Variants in CATSPER1 observed in about 807,000 individuals in gnomAD.
CATSPER1 encodes the protein cation channel sperm-associated protein 1.
A neutral mutation model predicts 72.7 loss-of-function variants in CATSPER1; 57 were observed. That is an observed-to-expected ratio of 0.78 (90% confidence interval 0.63 to 0.98). The LOEUF (loss-of-function observed/expected upper bound fraction) is 0.98, where lower values mean the gene tolerates loss of function less well. Ranked by LOEUF, CATSPER1 falls within the 50% of genes least tolerant of loss-of-function variation. The probability of loss-of-function intolerance (pLI) is 0.00; values close to 1 mark genes in which losing one functional copy is unlikely to be tolerated. For synonymous variants in CATSPER1, 363 were observed against 403.0 expected, an observed-to-expected ratio of 0.90 and a Z score of 1.19; for missense variants, 910 against 1,033.9, an observed-to-expected ratio of 0.88 and a Z score of 1.64.
Position 66,018,886 on chromosome 11 carries a change from C to A in CATSPER1, c.2142G>T (p.Ala714=). Residue 714 remains alanine (A), a synonymous_variant, in exon 10 of 12, where the codon GCG becomes GCT. Coordinates refer to ENST00000312106, the MANE Select transcript of CATSPER1 (RefSeq NM_053054.4). ...GCCGCTTCAGCATGGTGCCTTCACT[C>A]GCCACCTCTTTGGGCTCTGGATGTA... ...ELRAAEPKEV[A]SEGTMLKRLI... 6 of 1,613,976 alleles carry A rather than the reference C, an allele frequency of 3.7e-6. No homozygotes were observed. The highest frequency in any genetic ancestry group is 5.1e-6 in the Non-Finnish European group (6 of 1,179,976).
At chr11:66,018,945 G>A in intron 9 of CATSPER1, 43 bp from the exon 10 acceptor site, 1 of 1,535,686 alleles carries the variant, frequency 6.5e-7, no homozygotes, top group South Asian at 1.1e-5. Context: ...CCTGGATTTG[G>A]AGAGGAGGCA....
At chr11:66,019,116 A>C (rs576657506) in intron 9 of CATSPER1, among the ~76,000 whole-genome samples, 1 of 152,122 alleles carries the variant, frequency 6.6e-6, no homozygotes, top group African/African-American at 2.4e-5. Context: ...GTCTTGAGGA[A>C]CAAATCACTT....
chr11:66,018,774 C>A, intron 10 of CATSPER1, 53 bp downstream of exon 10: 1 of 1,585,936 alleles, frequency 6.3e-7, no homozygotes, highest in African/African-American at 1.3e-5. Context: ...TCCAGCCAGG[C>A]CCCCAGGCCT....
rs143627075 is a variant in CATSPER1 at position 66,020,943 on chromosome 11, C to A, written c.1795G>T (p.Ala599Ser). The A allele has an allele frequency of 6.2e-7, 1 of 1,613,864 alleles. No individual in the cohort carries two copies. The highest frequency in any genetic ancestry group is 8.5e-7 in the Non-Finnish European group (1 of 1,180,018). ...TTGCGGAACAGTGCCCGGAGGACCG[C>A]GGAGAAGAGGACTGGCTGTTCAGGG... ...LMFTCLFLFSAVLRALFRKSD... is the reference protein window; with the variant it reads ...LMFTCLFLFSSVLRALFRKSD... The change falls in exon 6 of 12, where the codon GCG becomes TCG. Residue 599 changes from alanine to serine, a missense_variant. By Grantham distance (99) the Ala-to-Ser change is moderately conservative. Coordinates refer to ENST00000312106, the MANE Select transcript of CATSPER1 (RefSeq NM_053054.4). This position sits in a 1 kb window ranked among gnomAD's most constrained non-coding sequence, Gnocchi z 4.5.
At chr11:66,023,356 T>G (rs540478864) in intron 1 of CATSPER1, among the ~76,000 whole-genome samples, 7 of 151,080 alleles carry the variant, frequency 4.6e-5, no homozygotes, top group Admixed American at 1.3e-4. Context: ...CAGAAGAATA[T>G]GGAGTCCAAG....
rs1236578421 is a variant in CATSPER1 at position 66,016,816 on chromosome 11, T to G, written c.*74A>C. ...GCCCGGACAATCATTCCAGCAGATC[T>G]GGGGACCCGTCCCAGTGCACCCAGG... On this transcript the variant is annotated 3_prime_UTR_variant, in exon 12 of 12. Coordinates refer to ENST00000312106, the MANE Select transcript of CATSPER1 (RefSeq NM_053054.4). 9.1e-6 allele frequency: 14 copies of G among 1,530,348 alleles called. No individual in the cohort carries two copies. Among genetic ancestry groups the G allele is most frequent in the Non-Finnish European group, 1.2e-5 (13 of 1,121,276 alleles). 94.8% of individuals were successfully genotyped at this position (1,530,348 alleles called of 1,614,324 possible).
rs1316259503 is a variant in CATSPER1 at position 66,025,249 on chromosome 11, C to T, written c.1131G>A (p.Met377Ile). The T allele has an allele frequency of 2.5e-6, 4 of 1,614,122 alleles. No individual in the cohort carries two copies. The highest frequency in any genetic ancestry group is 1.3e-5 in the African/African-American group (1 of 75,014). The change falls in exon 1 of 12, where the codon ATG becomes ATA. Residue 377 changes from methionine to isoleucine, a missense_variant. By Grantham distance (10) the Met-to-Ile change is conservative. Coordinates refer to ENST00000312106, the MANE Select transcript of CATSPER1 (RefSeq NM_053054.4). ...TATCCTGGGTATGGACTTTTTTGGA[C>T]ATCTGGGTGACACGTGAGCGGATTG... ...SSTIRSRVTQ[M>I]SKKVHTQDIS...
Position 66,018,821 on chromosome 11 carries a change from C to T in CATSPER1, c.2201+6G>A. 1.2e-6 allele frequency: 2 copies of T among 1,611,008 alleles called. No individual in the cohort carries two copies. ...CCCAGGCCTCGCTCCCTTCCTGTCT[C>T]CTCACTTCTCAGTCATGGTCCCAAA... On this transcript the variant is annotated splice_donor_region_variant and intron_variant, in intron 10 of 11. Coordinates refer to ENST00000312106, the MANE Select transcript of CATSPER1 (RefSeq NM_053054.4).
Position 66,022,977 on chromosome 11 carries a change from T to G in CATSPER1, c.1301A>C (p.Gln434Pro). ...WLWEKLTFLIQGFREMIRNLT... is the reference protein window; with the variant it reads ...WLWEKLTFLIPGFREMIRNLT... ...GTTCCGGATCATTTCCCGGAAGCCC[T>G]GAATGAGGAAGGTTAGCTTTTCCCA... Residue 434 changes from glutamine to proline, a missense_variant, in exon 2 of 12, where the codon CAG (glutamine) becomes CCG (proline). Gln to Pro is a moderately conservative substitution (Grantham distance 76). Transcript: ENST00000312106. 1 of 1,614,200 alleles carries G rather than the reference T, an allele frequency of 6.2e-7. No individual in the cohort carries two copies. Among genetic ancestry groups the G allele is most frequent in the Non-Finnish European group, 8.5e-7 (1 of 1,180,028 alleles).
In CATSPER1 at chr11:66,016,929, G is replaced by A; in HGVS notation, c.2317-13C>T. 4 of 1,614,098 alleles carry A rather than the reference G, an allele frequency of 2.5e-6. No individual in the cohort carries two copies. The highest frequency in any genetic ancestry group is 3.4e-6 in the Non-Finnish European group (4 of 1,179,976). ...CCTCTTCTCCAGCCTGCAGGGGTGA[G>A]TGGGGCACTGGTGGGTGAATGAGCC... On this transcript the variant is annotated splice_polypyrimidine_tract_variant and intron_variant, in intron 11 of 11. Transcript: ENST00000312106.
In CATSPER1 at chr11:66,017,194, T is replaced by TGGGGGGGGGGGGGGGGGGGGCCC; in HGVS notation, c.2202-21_2202-20insGGGCCCCCCCCCCCCCCCCCCCC. 1.8e-6 allele frequency: 1 copy of TGGGGGGGGGGGGGGGGGGGGCCC among 550,250 alleles called. No homozygotes were observed. Among genetic ancestry groups the TGGGGGGGGGGGGGGGGGGGGCCC allele is most frequent in the African/African-American group, 2.1e-5 (1 of 48,566 alleles). 34.1% of individuals were successfully genotyped at this position (550,250 alleles called of 1,614,324 possible). On this transcript the variant is annotated intron_variant, in intron 10 of 11. Transcript: ENST00000312106. ...TGCTGCCTGCGGGTGGGCGGGGGGG[T>TGGGGGGGGGGGGGGGGGGGGCCC]CGCAGAGACAGGGGCTGGGCTGACC...
chr11:66,017,186 C>CGGG lies in CATSPER1; in HGVS notation c.2202-15_2202-13dup. ...GGAGCTCCTGCTGCCTGCGGGTGGG[C>CGGG]GGGGGGGTCGCAGAGACAGGGGCTG... is the stretch of plus-strand genomic sequence containing the variant. On this transcript the variant is annotated splice_polypyrimidine_tract_variant and intron_variant, in intron 10 of 11. Coordinates refer to ENST00000312106, the MANE Select transcript of CATSPER1 (RefSeq NM_053054.4). 1.2e-5 allele frequency: 3 copies of CGGG among 258,976 alleles called. No individual in the cohort carries two copies. Among genetic ancestry groups the CGGG allele is most frequent in the Admixed American group, 5.4e-5 (1 of 18,640 alleles). 16.0% of individuals were successfully genotyped at this position (258,976 alleles called of 1,614,324 possible).
rs146534093 is a variant in CATSPER1 at position 66,020,316 on chromosome 11, C to G, written c.2064+1G>C. 3 of 1,614,080 alleles carry G rather than the reference C, an allele frequency of 1.9e-6. No homozygotes were observed. Among genetic ancestry groups the G allele is most frequent in the Non-Finnish European group, 2.5e-6 (3 of 1,180,056 alleles). On this transcript the variant is annotated splice_donor_variant, in intron 8 of 11. Coordinates refer to ENST00000312106, the MANE Select transcript of CATSPER1 (RefSeq NM_053054.4). LOFTEE classifies it high-confidence loss of function. The surrounding 1 kb of genome is among the most constrained non-coding windows in gnomAD (Gnocchi z 4.5). ...TCCACCTGTCCCACCCCACTCGGTA[C>G]CTCCTGCTTCGCTTTCTCAAGGCCT...
chr11:66,018,740 G>A (rs1856290418), intron 10 of CATSPER1, 87 bp downstream of exon 10: 1 of 1,401,656 alleles, frequency 7.1e-7, no homozygotes, highest in Non-Finnish European at 1.0e-6. Context: ...AGAGGGGCAG[G>A]CAATGTCCCT....
chr11:66,023,828 C>T (rs1455126911), intron 1 of CATSPER1, among the ~76,000 whole-genome samples: 12 of 151,908 alleles, frequency 7.9e-5, no homozygotes, highest in Admixed American at 7.9e-4. Flanking sequence ...ATCATCCCAT[C>T]CTCTTGGTAA....
At chr11:66,021,280 T>C in intron 4 of CATSPER1, 95 bp from the exon 5 acceptor site, 8 of 1,339,708 alleles carry the variant, frequency 6.0e-6, no homozygotes, top group Non-Finnish European at 7.3e-6. Flanking sequence ...GGCAGGAGGC[T>C]CCTGACTTGT....
intron 10 of CATSPER1, 48 bp from the exon 11 acceptor site, chr11:66,017,222 C>A: frequency 7.0e-7 from 1 of 1,437,492 alleles, no homozygotes; most frequent in Non-Finnish European, 9.5e-7. Flanking sequence ...GGCTGACCTG[C>A]TGGCTGGGCC....
chr11:66,023,061 G>GCT lies in CATSPER1; in HGVS notation c.1217-2_1217-1dup (p.Thr406LysfsTer25). The GCT allele has an allele frequency of 6.2e-7, 1 of 1,613,824 alleles. No homozygotes were observed. Among genetic ancestry groups the GCT allele is most frequent in the Non-Finnish European group, 8.5e-7 (1 of 1,179,750 alleles). On this transcript the variant is annotated frameshift_variant and splice_region_variant. Transcript: ENST00000312106. LOFTEE classifies it high-confidence loss of function. ...CTTGCGGGTCCGCTGGAGCCGGCCG[G>GCT]CTGAAAGGAACAGGGCCAGAAAGTC...
chr11:66,021,729 G>A, intron 3 of CATSPER1, 37 bp downstream of exon 3: 1 of 1,613,138 alleles, frequency 6.2e-7, no homozygotes. Flanking sequence ...GCCTCCCCCA[G>A]ACTAAACACA....
Sources: allele counts gnomAD v4.1 joint callset (sites outside exome capture counted in the v4.1 genomes callset), GRCh38; gene constraint gnomAD v4.1.1; non-coding constraint Gnocchi (gnomAD v3.1); transcripts MANE v1.5; gene names NCBI Gene and HGNC (gene_info 2026-07-23, HGNC 2026-07-21).